Variants in ADCY3 observed in about 807,000 individuals in gnomAD.
ADCY3 encodes adenylate cyclase 3.
In ADCY3, 70 loss-of-function variants were observed where a neutral mutation model predicts 119.4. That is an observed-to-expected ratio of 0.59 (90% CI 0.48 to 0.72). The LOEUF (loss-of-function observed/expected upper bound fraction) is 0.72. Among genes scored for constraint, ADCY3 ranks in the 30% least tolerant of loss-of-function variants. The pLI, the probability that ADCY3 is intolerant of heterozygous loss-of-function variation, is 0.00. For missense variants in ADCY3, 1,238 were observed against 1,541.6 expected, an observed-to-expected ratio of 0.80 and a Z score of 3.30; for synonymous variants, 672 against 621.4, an observed-to-expected ratio of 1.08 and a Z score of -1.21.
chr2:24,895,396 C>G (rs1054035291), intron 2 of ADCY3, among the ~76,000 whole-genome samples: 17 of 152,062 alleles, frequency 1.1e-4, no homozygotes, highest in Non-Finnish European at 1.5e-5. Flanking sequence ...CAATTCTCTT[C>G]ATTCTTATTC....
At chr2:24,820,886 C>A (rs1337563027) in intron 20 of ADCY3, 38 bp from the exon 21 acceptor site, 12 of 1,608,428 alleles carry the variant, frequency 7.5e-6, no homozygotes, top group Non-Finnish European at 1.0e-5. Context: ...AGCCACAGGC[C>A]ACACCTTGTT....
At chr2:24,903,664 G>A (rs1679160307) in intron 2 of ADCY3, among the ~76,000 whole-genome samples, 1 of 152,138 alleles carries the variant, frequency 6.6e-6, no homozygotes, top group Non-Finnish European at 1.5e-5. Context: ...GACCCATTAG[G>A]CCATCGTGAA....
chr2:24,831,858 ACAGGGGG>A (rs1461520057), intron 11 of ADCY3, 109 bp from the exon 12 acceptor site: 15 of 302,438 alleles, frequency 5.0e-5, no homozygotes, highest in Admixed American at 2.9e-4. Flanking sequence ...GGGACAGCGG[ACAGGGGG>A]CAGGGGACAG....
At position 24,820,944 on chromosome 2, in the gene ADCY3, C is replaced by T. The variant is rs150969937; in HGVS notation, c.3128-96G>A. On this transcript the variant is annotated intron_variant, in intron 20 of 21. Transcript: ENST00000679454. ...TCTCCAGACCTGTACCACAAAGCTC[C>T]TAATGTAACACATCATTGTCCTCAT... 1.0e-4 allele frequency: 152 copies of T among 1,508,250 alleles called. No individual in the cohort carries two copies. In the East Asian group the frequency reaches 3.3e-3, roughly 33 times the overall value. The allele number at this position is 1,508,250 out of a possible 1,614,324, so 93.4% of individuals were successfully genotyped here.
chr2:24,822,750 A>C, intron 18 of ADCY3, 120 bp from the exon 19 acceptor site: 1 of 1,354,240 alleles, frequency 7.4e-7, no homozygotes, highest in Non-Finnish European at 1.0e-6. Context: ...TTCCTATCAA[A>C]GTTGTTACTT....
At chr2:24,912,564 T>C (rs1663866524) in intron 2 of ADCY3, among the ~76,000 whole-genome samples, 1 of 67,088 alleles carries the variant, frequency 1.5e-5, no homozygotes, top group South Asian at 4.1e-4. Flanking sequence ...TGTGTGTGTG[T>C]GTGCATGTGT....
intron 2 of ADCY3, among the ~76,000 whole-genome samples, chr2:24,911,364 A>G (rs547458845): frequency 6.6e-6 from 1 of 151,446 alleles, no homozygotes; most frequent in African/African-American, 2.4e-5. Context: ...ACACACCATC[A>G]GCCTGGGCGC....
Position 24,830,695 on chromosome 2 carries a change from C to A in ADCY3, c.2172+14G>T. The A allele has an allele frequency of 6.2e-7, 1 of 1,607,976 alleles. No individual in the cohort carries two copies. Reference sequence around the variant, plus strand: ...AACAGGGGCGTCCCTTCAACAAGGACAGCAGGAGCTCACCATGTCCACGAC... The same window carrying A: ...AACAGGGGCGTCCCTTCAACAAGGAAAGCAGGAGCTCACCATGTCCACGAC... On this transcript the variant is annotated intron_variant, in intron 13 of 21. Transcript: ENST00000679454.
Position 24,831,565 on chromosome 2 carries a change from GA to G in ADCY3, c.2055+96del. ...CTAACAGAGGAGTGTCTGCCTGTCA[GA>G]TTTGACAGAAAGAATAACTCCATCA... On this transcript the variant is annotated intron_variant, in intron 12 of 21. Transcript: ENST00000679454. The G allele has an allele frequency of 6.2e-6, 6 of 974,910 alleles. No individual in the cohort carries two copies. In the South Asian group the frequency reaches 8.3e-5, roughly 13 times the overall value. The allele number at this position is 974,910 out of a possible 1,614,324, so 60.4% of individuals were successfully genotyped here. A position where few individuals can be genotyped will look rare whatever the true frequency, so the allele number is the denominator to read the frequency against.
chr2:24,917,863 A>T (rs1312177934), intron 2 of ADCY3, among the ~76,000 whole-genome samples: 1 of 152,242 alleles, frequency 6.6e-6, no homozygotes, highest in Non-Finnish European at 1.5e-5. Context: ...CAACCGTGTC[A>T]TGCAGGCAGA....
Position 24,920,119 on chromosome 2 carries a change from G to C in ADCY3, c.-634C>G, listed in dbSNP as rs1664924488. ...CGGCGGGAGCGCGGGCCGAGCCCGG[G>C]GAAGCCCGCCAGCATCCTCTCGCCC... On this transcript the variant is annotated 5_prime_UTR_variant, in exon 1 of 22. Coordinates refer to ENST00000679454, the MANE Select transcript of ADCY3 (RefSeq NM_004036.5). The surrounding 1 kb of genome is among the most constrained non-coding windows in gnomAD (Gnocchi z 4.5). Among the ~76,000 whole-genome samples the C allele has an allele frequency of 6.8e-6, 1 of 146,426 alleles. No individual in the cohort carries two copies. The highest frequency in any genetic ancestry group is 1.5e-5 in the Non-Finnish European group (1 of 65,774).
chr2:24,898,281 C>A lies in ADCY3; in HGVS notation c.675+20032G>T, dbSNP rs548863488. Among the ~76,000 whole-genome samples, 2 of 152,234 alleles carry A rather than the reference C, an allele frequency of 1.3e-5. No individual in the cohort carries two copies. Among genetic ancestry groups the A allele is most frequent in the East Asian group, 3.9e-4 (2 of 5,168 alleles). On this transcript the variant is annotated intron_variant, in intron 2 of 21. Coordinates refer to ENST00000679454, the MANE Select transcript of ADCY3 (RefSeq NM_004036.5). This position sits in a 1 kb window ranked among gnomAD's most constrained non-coding sequence, Gnocchi z 4.3. ...CCAGTTCGTGCGCCACAGAGGCCCCCGGGGAGGCTCGAGGACCGCCTTTCC... is the reference window on the plus strand; with the variant it reads ...CCAGTTCGTGCGCCACAGAGGCCCCAGGGGAGGCTCGAGGACCGCCTTTCC...
chr2:24,859,053 C>T (rs955895069), intron 3 of ADCY3, among the ~76,000 whole-genome samples: 4 of 152,330 alleles, frequency 2.6e-5, no homozygotes, highest in African/African-American at 4.8e-5. Flanking sequence ...TTATGGGGAA[C>T]GCACCTGGCT....
chr2:24,825,969 T>G, intron 16 of ADCY3, 76 bp downstream of exon 16: 1 of 1,435,732 alleles, frequency 7.0e-7, no homozygotes, highest in Non-Finnish European at 9.7e-7. Flanking sequence ...GCTTGGGCTC[T>G]TAGGTCCCAG....
At position 24,842,694 on chromosome 2, in the gene ADCY3, C is replaced by T. The variant is rs1671163999; in HGVS notation, c.826-310G>A. 1.4e-5 allele frequency: 5 copies of T among 368,426 alleles called. No individual in the cohort carries two copies. The highest frequency in any genetic ancestry group is 5.0e-5 in the South Asian group (2 of 39,982). 22.8% of individuals were successfully genotyped at this position (368,426 alleles called of 1,614,324 possible). A position where few individuals can be genotyped will look rare whatever the true frequency, so the allele number is the denominator to read the frequency against. ...TGCCACAAGAAGCGCAGCAGTCCTG[C>T]GTGGGCTGCTGCACCGTGAGCCCTC... On this transcript the variant is annotated intron_variant, in intron 3 of 21. Transcript: ENST00000679454. This position sits in a 1 kb window ranked among gnomAD's most constrained non-coding sequence, Gnocchi z 4.9.
chr2:24,916,246 T>G (rs993189960), intron 2 of ADCY3, among the ~76,000 whole-genome samples: 1 of 152,232 alleles, frequency 6.6e-6, no homozygotes, highest in African/African-American at 2.4e-5. Flanking sequence ...AGCCACGTGG[T>G]GGGGCACCCA....
chr2:24,868,493 T>C (rs1476632812), intron 3 of ADCY3, among the ~76,000 whole-genome samples: 1 of 151,014 alleles, frequency 6.6e-6, no homozygotes, highest in African/African-American at 2.4e-5. Flanking sequence ...TTACTACAAA[T>C]ACAAAAAATT....
intron 3 of ADCY3, among the ~76,000 whole-genome samples, chr2:24,849,783 C>T (rs908032955): frequency 5.9e-5 from 9 of 152,104 alleles, no homozygotes; most frequent in Admixed American, 1.3e-4. Flanking sequence ...CGAAGGCCCA[C>T]GGAGGGAGGG....
At chr2:24,833,028 C>T (rs541546805) in intron 11 of ADCY3, among the ~76,000 whole-genome samples, 65 of 152,330 alleles carry the variant, frequency 4.3e-4, no homozygotes, top group South Asian at 8.3e-4. Context: ...CATCTATCGA[C>T]GGAATCCAAC....
Sources: gnomAD v4.1 joint callset for allele counts (sites outside exome capture counted in the v4.1 genomes callset) on GRCh38, gnomAD v4.1.1 for gene constraint, Gnocchi (gnomAD v3.1) non-coding constraint, MANE v1.5 for transcripts, NCBI Gene and HGNC (gene_info 2026-07-23, HGNC 2026-07-21) for gene names.